SORT1: variants seen among roughly 807,000 people sequenced by gnomAD.
SORT1 encodes sortilin 1.
SORT1 carries 39 observed loss-of-function variants against 101.7 expected under a neutral mutation model. The observed-to-expected ratio is 0.38, with a 90% CI of 0.30 to 0.50. The LOEUF (loss-of-function observed/expected upper bound fraction) is 0.50, where lower values mean the gene tolerates loss of function less well. SORT1 is among the 20% of genes least tolerant of loss of function. SORT1 has a pLI of 0.90. For synonymous variants in SORT1, 396 were observed against 393.7 expected, an observed-to-expected ratio of 1.01 and a Z score of -0.07; for missense variants, 878 against 1,040.4, an observed-to-expected ratio of 0.84 and a Z score of 2.15.
At chr1:109,339,274 A>C (rs1649053656) in intron 10 of SORT1, among the ~76,000 whole-genome samples, 1 of 152,134 alleles carries the variant, frequency 6.6e-6, no homozygotes, top group Non-Finnish European at 1.5e-5. Flanking sequence ...AATGTTTTTC[A>C]AGTGTGTTCA....
chr1:109,318,659 C>T (rs1647408603), intron 15 of SORT1, among the ~76,000 whole-genome samples: 2 of 152,108 alleles, frequency 1.3e-5, no homozygotes, highest in Non-Finnish European at 2.9e-5. Flanking sequence ...CTTTTCTTCC[C>T]CCTCCCCGCT....
In SORT1 at chr1:109,350,928, C is replaced by T; in HGVS notation, c.782+1G>A. 1.2e-6 allele frequency: 2 copies of T among 1,605,984 alleles called. No homozygotes were observed. Among genetic ancestry groups the T allele is most frequent in the Non-Finnish European group, 1.7e-6 (2 of 1,172,570 alleles). The stretch of plus-strand genomic sequence containing the variant: ...CACAGATGGAGTCTTCTGTTACTCA[C>T]CATTTGGCCAAACATACTGCTTTGT... On this transcript the variant is annotated splice_donor_variant, in intron 6 of 19. Transcript: ENST00000256637. LOFTEE classifies it high-confidence loss of function.
At chr1:109,367,816 G>A (rs960930449) in intron 2 of SORT1, among the ~76,000 whole-genome samples, 2 of 152,214 alleles carry the variant, frequency 1.3e-5, no homozygotes, top group Non-Finnish European at 2.9e-5. Flanking sequence ...ACAGAGTCTA[G>A]AATAGCGTGG....
At position 109,314,297 on chromosome 1, in the gene SORT1, G is replaced by A. The variant is rs749086431; in HGVS notation, c.2445C>T (p.His815=). 1 of 1,613,272 alleles carries A rather than the reference G, an allele frequency of 6.2e-7. No homozygotes were observed. The highest frequency in any genetic ancestry group is 1.1e-5 in the South Asian group (1 of 91,054). The part of the protein sequence containing the change: ...DGVDALDTAS[H]TNKSGYHDDS... ...CATCATGATAACCACTTTTATTAGTGTGGGAGGCTGTGTCCAAAGCATCCA... is the reference window on the plus strand; with the variant it reads ...CATCATGATAACCACTTTTATTAGTATGGGAGGCTGTGTCCAAAGCATCCA... The change falls in exon 19 of 20, where the codon CAC becomes CAT. Residue 815 remains histidine, a synonymous_variant. Transcript: ENST00000256637.
chr1:109,397,653 C>A lies in SORT1; in HGVS notation c.240G>T (p.Pro80=), dbSNP rs747735077. 2 of 1,231,592 alleles carry A rather than the reference C, an allele frequency of 1.6e-6. No individual in the cohort carries two copies. The highest frequency in any genetic ancestry group is 2.0e-5 in the South Asian group (1 of 50,180). 76.3% of individuals were successfully genotyped at this position (1,231,592 alleles called of 1,614,324 possible). A position where few individuals can be genotyped will look rare whatever the true frequency, so the allele number is the denominator to read the frequency against. The change falls in exon 1 of 20, where the codon CCG becomes CCT. Residue 80 remains proline (P), a synonymous_variant. Coordinates refer to ENST00000256637, the MANE Select transcript of SORT1 (RefSeq NM_002959.7). ...PRGGRWRRSA[P]GEDEECGRVR... ...CCCGGCCGCACTCCTCGTCCTCGCC[C>A]GGCGCGCTGCGACGCCAACGGCCGC... is the stretch of plus-strand genomic sequence containing the variant.
chr1:109,364,970 T>A (rs1053093680), intron 3 of SORT1, among the ~76,000 whole-genome samples: 1 of 152,214 alleles, frequency 6.6e-6, no homozygotes, highest in Non-Finnish European at 1.5e-5. Context: ...ATGACAGTGC[T>A]GTGATTCAAT....
chr1:109,322,823 AG>A (rs1184047603), intron 15 of SORT1, 108 bp downstream of exon 15: 4 of 869,238 alleles, frequency 4.6e-6, no homozygotes, highest in Non-Finnish European at 7.1e-6. Context: ...TACAGGTGTG[AG>A]CCACCGCACC....
chr1:109,310,563 T>C lies in SORT1; in HGVS notation c.*3480A>G, dbSNP rs1034565743. The C allele has an allele frequency of 2.6e-5, 4 of 153,848 alleles. No homozygotes were observed. The highest frequency in any genetic ancestry group is 2.0e-4 in the Admixed American group (3 of 15,284). The allele number at this position is 153,848 out of a possible 1,614,324, so 9.5% of individuals were successfully genotyped here. On this transcript the variant is annotated 3_prime_UTR_variant, in exon 20 of 20. Transcript: ENST00000256637. ...CATTTTCCTGCTTCAGGGAAGATGG[T>C]AGCAAAGTTGAAAGCCGAATCCCTT...
chr1:109,330,580 GAACA>G (rs1648396169), intron 11 of SORT1, among the ~76,000 whole-genome samples: 1 of 151,854 alleles, frequency 6.6e-6, no homozygotes, highest in Non-Finnish European at 1.5e-5. Context: ...ACTAGAAAAA[GAACA>G]AACTAAGCCC....
At chr1:109,345,571 A>C (rs1649528110) in intron 8 of SORT1, among the ~76,000 whole-genome samples, 180 bp downstream of exon 8, 1 of 152,198 alleles carries the variant, frequency 6.6e-6, no homozygotes, top group Non-Finnish European at 1.5e-5. Flanking sequence ...CAGAAGGCCA[A>C]AGTGCAGAGT....
intron 1 of SORT1, among the ~76,000 whole-genome samples, chr1:109,384,344 T>A (rs1456493847): frequency 6.6e-6 from 1 of 152,222 alleles, no homozygotes; most frequent in South Asian, 2.1e-4. Flanking sequence ...ATATTAGAAA[T>A]CTGCTTTCTC....
intron 3 of SORT1, among the ~76,000 whole-genome samples, chr1:109,362,551 T>C (rs1408004792): frequency 6.6e-6 from 1 of 152,198 alleles, no homozygotes; most frequent in Non-Finnish European, 1.5e-5. Flanking sequence ...TGTGTTTTTA[T>C]TTAACTATGT....
chr1:109,310,862 G>A lies in SORT1; in HGVS notation c.*3181C>T, dbSNP rs1658686446. 6.6e-6 allele frequency: 1 copy of A among 152,242 alleles called. No homozygotes were observed. The highest frequency in any genetic ancestry group is 1.5e-5 in the Non-Finnish European group (1 of 68,076). The allele number at this position is 152,242 out of a possible 1,614,324, so 9.4% of individuals were successfully genotyped here. On this transcript the variant is annotated 3_prime_UTR_variant, in exon 20 of 20. Transcript: ENST00000256637. ...ACGAAGGCCATGAGAACCAGCTCTG[G>A]TTTACAGACTCGATGCAGGAGCTGG...
chr1:109,368,285 C>A (rs2101625694), intron 2 of SORT1, among the ~76,000 whole-genome samples: 1 of 126,390 alleles, frequency 7.9e-6, no homozygotes, highest in East Asian at 2.3e-4. Flanking sequence ...CAGAGCAAGA[C>A]TCTGTCTCAA....
chr1:109,362,538 C>T (rs758886534), intron 3 of SORT1, among the ~76,000 whole-genome samples: 2 of 152,004 alleles, frequency 1.3e-5, no homozygotes, highest in African/African-American at 2.4e-5. Context: ...TCTGATATTA[C>T]CTTGTGTTTT....
At chr1:109,327,682 T>C in intron 11 of SORT1, 81 bp from the exon 12 acceptor site, 1 of 916,022 alleles carries the variant, frequency 1.1e-6, no homozygotes, top group Non-Finnish European at 1.6e-6. Flanking sequence ...ACCCTTCCAA[T>C]AAAGCTTTAA....
At chr1:109,350,256 A>G (rs1649870366) in intron 6 of SORT1, among the ~76,000 whole-genome samples, 1 of 152,230 alleles carries the variant, frequency 6.6e-6, no homozygotes, top group Non-Finnish European at 1.5e-5. Flanking sequence ...AAGCCTGTTA[A>G]TTCAGTTCTT....
intron 11 of SORT1, among the ~76,000 whole-genome samples, chr1:109,335,265 G>A (rs1462923453): frequency 6.6e-6 from 1 of 152,212 alleles, no homozygotes; most frequent in Non-Finnish European, 1.5e-5. Context: ...GCCACAACGA[G>A]CGCTGGGCAG....
chr1:109,321,177 T>C (rs1647602643), intron 15 of SORT1, among the ~76,000 whole-genome samples: 1 of 152,168 alleles, frequency 6.6e-6, no homozygotes, highest in African/African-American at 2.4e-5. Flanking sequence ...TCCAAGGAAT[T>C]TGGGGCTTAA....
Sources: gnomAD v4.1 joint callset for allele counts (sites outside exome capture counted in the v4.1 genomes callset) on GRCh38, gnomAD v4.1.1 for gene constraint, MANE v1.5 for transcripts, NCBI Gene and HGNC (gene_info 2026-07-23, HGNC 2026-07-21) for gene names.